Variants in B3GAT2 observed in about 807,000 individuals in gnomAD.
The protein encoded by B3GAT2 is beta-1,3-glucuronyltransferase 2.
A neutral mutation model predicts 27.8 loss-of-function variants in B3GAT2; 26 were observed. The observed-to-expected ratio is 0.93, with a 90% CI of 0.68 to 1.30. B3GAT2 has a LOEUF of 1.30. B3GAT2 is among the 50% of genes most tolerant of loss of function. B3GAT2 has a pLI of 0.00. For synonymous variants in B3GAT2, 218 were observed against 195.1 expected, an observed-to-expected ratio of 1.12 and a Z score of -0.98; for missense variants, 458 against 459.0, an observed-to-expected ratio of 1.00 and a Z score of 0.02.
At chr6:70,925,163 C>T (rs1398290275) in intron 1 of B3GAT2, among the ~76,000 whole-genome samples, 1 of 152,090 alleles carries the variant, frequency 6.6e-6, no homozygotes, top group African/African-American at 2.4e-5. Context: ...CTTGAAAAAA[C>T]CCTAGCAGGA....
chr6:70,858,111 T>G lies in B3GAT2; in HGVS notation c.*3552A>C. ...TTTATGGGAAATGCACAAACTGGTG[T>G]GATGCCACTTCCTCAGAACGTTGTT... On this transcript the variant is annotated 3_prime_UTR_variant, in exon 4 of 4. Coordinates refer to ENST00000230053, the MANE Select transcript of B3GAT2 (RefSeq NM_080742.3). The G allele has an allele frequency of 6.2e-7, 1 of 1,614,022 alleles. No homozygotes were observed. The highest frequency in any genetic ancestry group is 8.5e-7 in the Non-Finnish European group (1 of 1,179,992).
chr6:70,864,714 G>A (rs969766479), intron 2 of B3GAT2, among the ~76,000 whole-genome samples: 1 of 152,148 alleles, frequency 6.6e-6, no homozygotes, highest in Non-Finnish European at 1.5e-5. Context: ...CTGTGAAGCT[G>A]GGGGCAGAGT....
chr6:70,873,625 C>A (rs892495184), intron 2 of B3GAT2, among the ~76,000 whole-genome samples: 8 of 152,002 alleles, frequency 5.3e-5, no homozygotes, highest in Non-Finnish European at 8.8e-5. Context: ...GAAGTTCTAA[C>A]ATTTTTTTTC....
intron 2 of B3GAT2, among the ~76,000 whole-genome samples, chr6:70,870,565 A>T (rs969331702): frequency 6.6e-6 from 1 of 152,112 alleles, no homozygotes; most frequent in East Asian, 1.9e-4. Context: ...AGAAAAAAAA[A>T]GAGTTTTCCT....
chr6:70,895,322 A>T (rs747941565), intron 1 of B3GAT2, among the ~76,000 whole-genome samples: 1 of 152,182 alleles, frequency 6.6e-6, no homozygotes, highest in African/African-American at 2.4e-5. Flanking sequence ...TTAAATAATG[A>T]ACATCAACCA....
At position 70,956,105 on chromosome 6, in the gene B3GAT2, C is replaced by A; in HGVS notation, c.325G>T (p.Ala109Ser). The part of the protein sequence containing the change: ...TRLANTFRQV[A>S]QLHWILVEDA... ...TCCACCAGGATCCAGTGCAGCTGCG[C>A]CACCTGGCGGAACGTGTTGGCCAGG... The change falls in exon 1 of 4, where the codon GCG becomes TCG. Residue 109 changes from alanine to serine, a missense_variant. By Grantham distance (99) the Ala-to-Ser change is moderately conservative. Transcript: ENST00000230053. 6.2e-7 allele frequency: 1 copy of A among 1,602,094 alleles called. No homozygotes were observed. The highest frequency in any genetic ancestry group is 8.5e-7 in the Non-Finnish European group (1 of 1,175,580).
chr6:70,941,235 G>C (rs1283342143), intron 1 of B3GAT2, among the ~76,000 whole-genome samples: 1 of 152,122 alleles, frequency 6.6e-6, no homozygotes, highest in Non-Finnish European at 1.5e-5. Context: ...AGAACATTTA[G>C]AGGCACTTAA....
chr6:70,894,334 T>G, intron 1 of B3GAT2, 62 bp from the exon 2 acceptor site: 4 of 1,393,914 alleles, frequency 2.9e-6, no homozygotes, highest in South Asian at 1.4e-5. Flanking sequence ...AGGAAATGAA[T>G]GTGATCTATG....
intron 2 of B3GAT2, among the ~76,000 whole-genome samples, chr6:70,868,720 C>T (rs1405211987): frequency 2.0e-5 from 3 of 150,740 alleles, no homozygotes; most frequent in Non-Finnish European, 4.4e-5. Flanking sequence ...GCCTCTCTTT[C>T]CCCCCCCACG....
chr6:70,890,010 G>A (rs1325376949), intron 2 of B3GAT2, among the ~76,000 whole-genome samples: 1 of 151,926 alleles, frequency 6.6e-6, no homozygotes, highest in East Asian at 1.9e-4. Context: ...TTGAACTCCT[G>A]ACCTCAGGTG....
rs150393863 is a variant in B3GAT2 at position 70,955,223 on chromosome 6, G to C, written c.591+616C>G. 5.9e-4 allele frequency among the ~76,000 whole-genome samples: 90 copies of C among 151,618 alleles called. 1 individual carries two copies. In the East Asian group the frequency reaches 0.017, roughly 28 times the overall value. ...TGAGGGTCAGAAAAGACTTTTGTGAGGTGTGGGAAAGAGAGGAAGGACCTC... is the reference window on the plus strand; with the variant it reads ...TGAGGGTCAGAAAAGACTTTTGTGACGTGTGGGAAAGAGAGGAAGGACCTC... On this transcript the variant is annotated intron_variant, in intron 1 of 3. Transcript: ENST00000230053.
chr6:70,897,667 AAAAAT>A (rs746563756), intron 1 of B3GAT2, among the ~76,000 whole-genome samples: 6,150 of 87,510 alleles, frequency 0.07, 353 homozygotes, highest in African/African-American at 0.2. Flanking sequence ...TGAAAAAAAA[AAAAAT>A]ATATATATAT....
intron 1 of B3GAT2, among the ~76,000 whole-genome samples, chr6:70,914,104 A>C (rs997278305): frequency 3.3e-5 from 5 of 152,132 alleles, no homozygotes; most frequent in African/African-American, 1.2e-4. Context: ...GGTCTCTTGA[A>C]GACAGCATAC....
intron 1 of B3GAT2, among the ~76,000 whole-genome samples, chr6:70,950,493 T>C (rs80065872): frequency 0.014 from 2,171 of 152,266 alleles, 60 homozygotes; most frequent in African/African-American, 0.049. Context: ...TTTCATGTGT[T>C]AAATGACATG....
At chr6:70,878,550 G>A (rs1380344277) in intron 2 of B3GAT2, among the ~76,000 whole-genome samples, 1 of 151,742 alleles carries the variant, frequency 6.6e-6, no homozygotes, top group Non-Finnish European at 1.5e-5. Flanking sequence ...ATTTTTACAT[G>A]TCTTTTATAT....
intron 1 of B3GAT2, among the ~76,000 whole-genome samples, chr6:70,934,976 A>T (rs981345806): frequency 1.1e-4 from 16 of 152,320 alleles, no homozygotes; most frequent in Middle Eastern, 3.4e-3. Flanking sequence ...TCAGTCCTGA[A>T]GCTTTTCTAA....
intron 1 of B3GAT2, among the ~76,000 whole-genome samples, chr6:70,904,191 T>A (rs1772558068): frequency 6.6e-6 from 1 of 152,126 alleles, no homozygotes; most frequent in African/African-American, 2.4e-5. Flanking sequence ...ATAGGTACAC[T>A]AATCTACAGT....
At chr6:70,880,753 C>A (rs957142028) in intron 2 of B3GAT2, among the ~76,000 whole-genome samples, 6 of 151,856 alleles carry the variant, frequency 4.0e-5, no homozygotes, top group Non-Finnish European at 7.4e-5. Flanking sequence ...GTAACCTCTG[C>A]CTCCCGGGTT....
intron 1 of B3GAT2, among the ~76,000 whole-genome samples, chr6:70,928,456 GAA>G (rs1202064060): frequency 2.6e-5 from 4 of 151,850 alleles, no homozygotes; most frequent in African/African-American, 7.3e-5. Context: ...TAATAAGGAA[GAA>G]AAGAGAGAAG....
Sources: allele counts gnomAD v4.1 joint callset (sites outside exome capture counted in the v4.1 genomes callset), GRCh38; gene constraint gnomAD v4.1.1; transcripts MANE v1.5; gene names NCBI Gene and HGNC (gene_info 2026-07-23, HGNC 2026-07-21).